The following NCOA1 variants were observed in gnomAD, a reference collection of about 807,000 sequenced individuals.
NCOA1 encodes the protein nuclear receptor coactivator 1, also known as Hin-2 protein.
A neutral mutation model predicts 150.9 loss-of-function variants in NCOA1; 35 were observed. The observed-to-expected ratio is 0.23, with a 90% CI of 0.18 to 0.31. The LOEUF (loss-of-function observed/expected upper bound fraction) is 0.31, where lower values mean the gene tolerates loss of function less well. Among genes scored for constraint, NCOA1 ranks in the 10% least tolerant of loss-of-function variants. NCOA1 has a pLI of 1.00. For synonymous variants in NCOA1, 590 were observed against 630.0 expected, an observed-to-expected ratio of 0.94 and a Z score of 0.95; for missense variants, 1,491 against 1,749.3, an observed-to-expected ratio of 0.85 and a Z score of 2.63.
intron 4 of NCOA1, among the ~76,000 whole-genome samples, chr2:24,647,296 A>G (rs1670519732): frequency 6.6e-6 from 1 of 152,182 alleles, no homozygotes; most frequent in Non-Finnish European, 1.5e-5. Context: ...GCGTATGCAA[A>G]TTCTGGAACC....
chr2:24,499,156 C>G (rs1190515674), intron 1 of NCOA1, among the ~76,000 whole-genome samples: 1 of 152,138 alleles, frequency 6.6e-6, no homozygotes, highest in Non-Finnish European at 1.5e-5. Context: ...TAATTCCCTA[C>G]TATTTTGAAG....
At chr2:24,679,900 A>G (rs1399054974) in intron 7 of NCOA1, among the ~76,000 whole-genome samples, 2 of 152,218 alleles carry the variant, frequency 1.3e-5, no homozygotes, top group Non-Finnish European at 2.9e-5. Flanking sequence ...GCTAAAGAAA[A>G]TATTAGCAAT....
At chr2:24,573,971 C>T (rs577711889) in intron 2 of NCOA1, among the ~76,000 whole-genome samples, 5 of 150,160 alleles carry the variant, frequency 3.3e-5, no homozygotes, top group African/African-American at 9.8e-5. Context: ...CAAACGGACT[C>T]AACAAAATAA....
intron 3 of NCOA1, among the ~76,000 whole-genome samples, chr2:24,622,953 G>A (rs1280058447): frequency 6.6e-6 from 1 of 152,150 alleles, no homozygotes; most frequent in Non-Finnish European, 1.5e-5. Context: ...GCATGTGTTT[G>A]TGTATGACCA....
At chr2:24,511,372 T>C (rs979247969) in intron 1 of NCOA1, among the ~76,000 whole-genome samples, 1 of 152,224 alleles carries the variant, frequency 6.6e-6, no homozygotes, top group African/African-American at 2.4e-5. Flanking sequence ...ACAAAGTGGC[T>C]GCACCATTTT....
At chr2:24,552,664 C>T (rs1665909166) in intron 1 of NCOA1, among the ~76,000 whole-genome samples, 1 of 151,898 alleles carries the variant, frequency 6.6e-6, no homozygotes, top group African/African-American at 2.4e-5. Flanking sequence ...CGCTCCCGGC[C>T]TGTGCTTTAT....
At chr2:24,493,534 G>C (rs904417497) in intron 1 of NCOA1, among the ~76,000 whole-genome samples, 10 of 151,890 alleles carry the variant, frequency 6.6e-5, no homozygotes, top group African/African-American at 2.4e-4. Context: ...GTAGGATTGT[G>C]CCTATTAAAT....
intron 14 of NCOA1, among the ~76,000 whole-genome samples, chr2:24,716,143 C>CAAAA (rs35089767): frequency 1.2e-5 from 1 of 85,342 alleles, no homozygotes; most frequent in African/African-American, 5.0e-5. Flanking sequence ...GACTCCGTCT[C>CAAAA]AAAAAAAAAA....
chr2:24,548,196 C>T (rs1665684177), intron 1 of NCOA1, among the ~76,000 whole-genome samples: 1 of 152,196 alleles, frequency 6.6e-6, no homozygotes, highest in Admixed American at 6.5e-5. Flanking sequence ...ACTGGGGAAG[C>T]CTCACAATCA....
intron 4 of NCOA1, among the ~76,000 whole-genome samples, chr2:24,644,759 A>G (rs1345490492): frequency 6.6e-6 from 1 of 152,218 alleles, no homozygotes; most frequent in Non-Finnish European, 1.5e-5. Context: ...CCAGGAGAAA[A>G]TTTGTTAATT....
chr2:24,551,679 G>C (rs1196743747), intron 1 of NCOA1, among the ~76,000 whole-genome samples: 1 of 152,172 alleles, frequency 6.6e-6, no homozygotes, highest in Non-Finnish European at 1.5e-5. Context: ...TTTCAGCAGA[G>C]ACTGTTTGGC....
intron 7 of NCOA1, among the ~76,000 whole-genome samples, chr2:24,677,349 C>CA (rs540900467): frequency 6.1e-4 from 92 of 151,674 alleles, no homozygotes; most frequent in African/African-American, 1.8e-3. Context: ...GTCTCAAAAA[C>CA]AAAAAAACAA....
At chr2:24,715,947 C>T (rs1286092347) in intron 14 of NCOA1, among the ~76,000 whole-genome samples, 1 of 152,050 alleles carries the variant, frequency 6.6e-6, no homozygotes, top group African/African-American at 2.4e-5. Context: ...TCGAGACCAT[C>T]CTGGTTAACA....
intron 17 of NCOA1, among the ~76,000 whole-genome samples, chr2:24,733,546 C>T (rs1017846600): frequency 2.0e-5 from 3 of 151,906 alleles, no homozygotes; most frequent in Admixed American, 2.0e-4. Context: ...GAGTTCAAGA[C>T]CACCCTGCGC....
intron 4 of NCOA1, among the ~76,000 whole-genome samples, chr2:24,650,364 A>C (rs1233191874): frequency 2.0e-5 from 3 of 152,180 alleles, no homozygotes; most frequent in Non-Finnish European, 4.4e-5. Context: ...AATCAGTAGT[A>C]TCTGTCCCTA....
At chr2:24,553,814 C>T (rs1207673888) in intron 1 of NCOA1, among the ~76,000 whole-genome samples, 1 of 152,050 alleles carries the variant, frequency 6.6e-6, no homozygotes, top group African/African-American at 2.4e-5. Context: ...AATTGAGAAA[C>T]GTTTTCTTCT....
At chr2:24,700,563 C>T (rs1673111869) in intron 11 of NCOA1, among the ~76,000 whole-genome samples, 1 of 152,166 alleles carries the variant, frequency 6.6e-6, no homozygotes, top group South Asian at 2.1e-4. Flanking sequence ...ACACATTTCA[C>T]CTTGCATGAA....
intron 19 of NCOA1, among the ~76,000 whole-genome samples, chr2:24,746,540 T>TA (rs1164163617): frequency 3.3e-5 from 5 of 152,056 alleles, no homozygotes; most frequent in South Asian, 2.1e-4. Flanking sequence ...AGCCTCTGTC[T>TA]AAAAAAACAA....
At chr2:24,527,682 G>A (rs973742786) in intron 1 of NCOA1, among the ~76,000 whole-genome samples, 13 of 152,154 alleles carry the variant, frequency 8.5e-5, no homozygotes, top group African/African-American at 3.1e-4. Flanking sequence ...TATATAACCA[G>A]AAGCAGAATT....
Sources: allele counts gnomAD v4.1 joint callset (sites outside exome capture counted in the v4.1 genomes callset), GRCh38; gene constraint gnomAD v4.1.1; transcripts MANE v1.5; gene names NCBI Gene and HGNC (gene_info 2026-07-23, HGNC 2026-07-21).